The following TTC17 variants were observed in gnomAD, a reference collection of about 807,000 sequenced individuals.
TTC17 encodes tetratricopeptide repeat domain 17.
TTC17 carries 58 observed loss-of-function variants against 143.8 expected under a neutral mutation model. The observed-to-expected ratio is 0.40, with a 90% CI of 0.33 to 0.50. The LOEUF is 0.50. Among genes scored for constraint, TTC17 ranks in the 20% least tolerant of loss-of-function variants. TTC17 has a pLI of 0.49. For missense variants in TTC17, 1,273 were observed against 1,392.5 expected, an observed-to-expected ratio of 0.91 and a Z score of 1.37; for synonymous variants, 501 against 497.8, an observed-to-expected ratio of 1.01 and a Z score of -0.09.
intron 2 of TTC17, among the ~76,000 whole-genome samples, chr11:43,387,125 A>G (rs910272204): frequency 6.6e-6 from 1 of 152,232 alleles, no homozygotes; most frequent in East Asian, 1.9e-4. Context: ...TTGGGGGGAA[A>G]AAATAAGCAA....
chr11:43,426,065 C>T (rs1042638467), intron 16 of TTC17, among the ~76,000 whole-genome samples: 1 of 152,192 alleles, frequency 6.6e-6, no homozygotes, highest in Non-Finnish European at 1.5e-5. Flanking sequence ...GCTAGAGGTC[C>T]GTAGCAGCTG....
At chr11:43,438,427 G>C (rs1947340596) in intron 16 of TTC17, among the ~76,000 whole-genome samples, 2 of 152,152 alleles carry the variant, frequency 1.3e-5, no homozygotes, top group Non-Finnish European at 2.9e-5. Flanking sequence ...CCAAATGCAT[G>C]AGCCACAGCG....
At chr11:43,360,812 G>A (rs1302041495) in intron 1 of TTC17, among the ~76,000 whole-genome samples, 2 of 151,994 alleles carry the variant, frequency 1.3e-5, no homozygotes, top group African/African-American at 4.8e-5. Flanking sequence ...AGAGAAGCAG[G>A]GAAGAGCTGA....
chr11:43,470,813 C>T (rs1191993025), intron 21 of TTC17, among the ~76,000 whole-genome samples: 2 of 152,132 alleles, frequency 1.3e-5, no homozygotes, highest in South Asian at 4.1e-4. Flanking sequence ...AATAAGTTCC[C>T]AGGTGATACT....
intron 21 of TTC17, among the ~76,000 whole-genome samples, chr11:43,464,172 C>T (rs942652084): frequency 6.6e-6 from 1 of 151,096 alleles, no homozygotes; most frequent in Admixed American, 6.6e-5. Context: ...GCCGGGTACT[C>T]GGGAGGGTGG....
At chr11:43,478,898 GAT>G (rs1394450343) in intron 21 of TTC17, among the ~76,000 whole-genome samples, 1 of 152,180 alleles carries the variant, frequency 6.6e-6, no homozygotes, top group African/African-American at 2.4e-5. Flanking sequence ...AAATTACTGA[GAT>G]AACAAGGTGT....
intron 1 of TTC17, among the ~76,000 whole-genome samples, chr11:43,369,080 TG>T (rs1426007435): frequency 2.0e-5 from 3 of 152,270 alleles, no homozygotes; most frequent in African/African-American, 7.2e-5. Flanking sequence ...ATTTGAGCCT[TG>T]ACTATTGTGT....
chr11:43,438,036 A>G (rs1009145746), intron 16 of TTC17, among the ~76,000 whole-genome samples: 2 of 152,222 alleles, frequency 1.3e-5, no homozygotes, highest in Non-Finnish European at 2.9e-5. Context: ...CTGGCTTGAA[A>G]TTTTATGTCA....
intron 2 of TTC17, among the ~76,000 whole-genome samples, chr11:43,379,904 A>G (rs1856900903): frequency 6.6e-6 from 1 of 152,190 alleles, no homozygotes; most frequent in African/African-American, 2.4e-5. Context: ...TTTGCTTAAT[A>G]GCAAACAGTA....
At chr11:43,464,970 A>G (rs1369707637) in intron 21 of TTC17, among the ~76,000 whole-genome samples, 1 of 152,234 alleles carries the variant, frequency 6.6e-6, no homozygotes, top group African/African-American at 2.4e-5. Context: ...AAGCTATGAA[A>G]AACCATTTTT....
chr11:43,460,471 T>TG lies in TTC17; in HGVS notation c.3030+9206_3030+9207insG, dbSNP rs576209350. On this transcript the variant is annotated intron_variant, in intron 21 of 23. Transcript: ENST00000039989. The stretch of plus-strand genomic sequence containing the variant: ...CCTCCGTTAGTAGTCTCTTTGCTGC[T>TG]CTTCCACCAAATGTCTATAACCCAG... Among the ~76,000 whole-genome samples, 895 of 152,324 alleles carry TG rather than the reference T, an allele frequency of 5.9e-3. 3 individuals carry two copies. The highest frequency in any genetic ancestry group is 1.0e-2 in the Non-Finnish European group (679 of 68,030).
At chr11:43,429,130 T>C (rs568205931) in intron 16 of TTC17, among the ~76,000 whole-genome samples, 1 of 152,340 alleles carries the variant, frequency 6.6e-6, no homozygotes, top group East Asian at 1.9e-4. Flanking sequence ...ATCAGCAACC[T>C]AGGTTTCACC....
chr11:43,423,082 G>A (rs1946945261), intron 16 of TTC17, among the ~76,000 whole-genome samples: 1 of 152,160 alleles, frequency 6.6e-6, no homozygotes, highest in African/African-American at 2.4e-5. Context: ...TGATATATAA[G>A]TAAAGTTGTA....
chr11:43,427,210 A>G (rs1348440682), intron 16 of TTC17, among the ~76,000 whole-genome samples: 1 of 152,214 alleles, frequency 6.6e-6, no homozygotes, highest in Non-Finnish European at 1.5e-5. Context: ...GTGTGTCAGC[A>G]GGTGACCACT....
At chr11:43,391,112 T>C (rs1386097624) in intron 3 of TTC17, among the ~76,000 whole-genome samples, 1 of 148,034 alleles carries the variant, frequency 6.8e-6, no homozygotes, top group Non-Finnish European at 1.5e-5. Context: ...TCTTAAAGTA[T>C]TATTGACTGA....
chr11:43,374,450 G>A (rs1372030700), intron 1 of TTC17, among the ~76,000 whole-genome samples: 3 of 152,198 alleles, frequency 2.0e-5, no homozygotes, highest in Middle Eastern at 3.4e-3. Flanking sequence ...AAAAGCTTCT[G>A]CACAGCAAAA....
chr11:43,462,888 T>G (rs961266464), intron 21 of TTC17, among the ~76,000 whole-genome samples: 1 of 151,228 alleles, frequency 6.6e-6, no homozygotes, highest in Non-Finnish European at 1.5e-5. Flanking sequence ...CTAGCTGCCA[T>G]ATGTAAGCAC....
chr11:43,373,228 C>A (rs1206917191), intron 1 of TTC17, among the ~76,000 whole-genome samples: 3 of 151,868 alleles, frequency 2.0e-5, no homozygotes, highest in African/African-American at 4.8e-5. Context: ...ATAAAGAGGG[C>A]TGATTTTGCC....
At chr11:43,476,858 T>C (rs1262115478) in intron 21 of TTC17, among the ~76,000 whole-genome samples, 4 of 151,584 alleles carry the variant, frequency 2.6e-5, no homozygotes, top group Non-Finnish European at 4.4e-5. Flanking sequence ...TTGCTACTTA[T>C]GCAGATTTCT....
Sources: allele counts gnomAD v4.1 joint callset (sites outside exome capture counted in the v4.1 genomes callset), GRCh38; gene constraint gnomAD v4.1.1; transcripts MANE v1.5; gene names NCBI Gene and HGNC (gene_info 2026-07-23, HGNC 2026-07-21).